The following KDM4C variants were observed in gnomAD, a reference collection of about 807,000 sequenced individuals.
The protein encoded by KDM4C is lysine demethylase 4C, also known as lysine-specific demethylase 4C.
A neutral mutation model predicts 129.3 loss-of-function variants in KDM4C; 81 were observed. That is an observed-to-expected ratio of 0.63 (90% CI 0.52 to 0.75). The LOEUF (loss-of-function observed/expected upper bound fraction) is 0.75, where lower values mean the gene tolerates loss of function less well. Ranked by LOEUF, KDM4C falls within the 30% of genes least tolerant of loss-of-function variation. The pLI is 0.00. For missense variants in KDM4C, 1,457 were observed against 1,304.0 expected (o/e 1.12, Z -1.81); for synonymous variants, 573 against 456.1 (o/e 1.26, Z -3.26).
intron 19 of KDM4C, among the ~76,000 whole-genome samples, chr9:7,154,220 TGTCA>T (rs1842954602): frequency 6.6e-6 from 1 of 152,230 alleles, no homozygotes; most frequent in Admixed American, 6.5e-5. Context: ...CGTGGCTGTC[TGTCA>T]GTCTTGTTAA....
chr9:7,043,714 C>T (rs997722215), intron 15 of KDM4C, among the ~76,000 whole-genome samples: 1 of 150,970 alleles, frequency 6.6e-6, no homozygotes, highest in Non-Finnish European at 1.5e-5. Flanking sequence ...GAGAATAGAA[C>T]AGAAACTGTG....
intron 8 of KDM4C, among the ~76,000 whole-genome samples, chr9:6,936,277 ATAC>A (rs1425168871): frequency 2.6e-5 from 4 of 152,230 alleles, no homozygotes; most frequent in Non-Finnish European, 5.9e-5. Context: ...TGTTAGAAAG[ATAC>A]TACCCCATGC....
intron 12 of KDM4C, among the ~76,000 whole-genome samples, chr9:6,994,831 C>T (rs1176719481): frequency 6.6e-6 from 1 of 152,176 alleles, no homozygotes; most frequent in Non-Finnish European, 1.5e-5. Flanking sequence ...TCAGCTCTTT[C>T]AGTTTTGTAT....
At chr9:6,772,791 C>G (rs981304007) in intron 1 of KDM4C, among the ~76,000 whole-genome samples, 1 of 149,050 alleles carries the variant, frequency 6.7e-6, no homozygotes, top group Non-Finnish European at 1.5e-5. Flanking sequence ...CCCCCGGATT[C>G]AAGCAGTTCT....
chr9:7,042,965 T>C (rs562541716), intron 15 of KDM4C, among the ~76,000 whole-genome samples: 1 of 152,090 alleles, frequency 6.6e-6, no homozygotes, highest in South Asian at 2.1e-4. Flanking sequence ...AGAGGCAGAG[T>C]TGAGTGATTA....
At chr9:6,956,038 G>T (rs532883157) in intron 8 of KDM4C, among the ~76,000 whole-genome samples, 1 of 152,148 alleles carries the variant, frequency 6.6e-6, no homozygotes, top group Admixed American at 6.5e-5. Flanking sequence ...TTATTTATGA[G>T]ATCTAAAAAT....
chr9:6,983,351 C>T (rs1255286764), intron 9 of KDM4C, among the ~76,000 whole-genome samples: 2 of 151,986 alleles, frequency 1.3e-5, no homozygotes, highest in Non-Finnish European at 2.9e-5. Context: ...GCATATATGC[C>T]AAAGCTATCA....
chr9:6,972,253 GTGTATATATATATACACACATA>G (rs1832117421), intron 8 of KDM4C, among the ~76,000 whole-genome samples: 1 of 151,722 alleles, frequency 6.6e-6, no homozygotes, highest in Non-Finnish European at 1.5e-5. Context: ...GTGTGTGTGT[GTGTATATATATATACACACATA>G]TGTATATAAA....
At chr9:6,934,078 C>G (rs151028446) in intron 8 of KDM4C, among the ~76,000 whole-genome samples, 2,493 of 151,992 alleles carry the variant, frequency 0.016, 34 homozygotes, top group Non-Finnish European at 0.025. Flanking sequence ...TTCTTGAACT[C>G]CTGATCTCAA....
chr9:6,761,971 C>T (rs958711923), intron 1 of KDM4C, among the ~76,000 whole-genome samples: 2 of 151,812 alleles, frequency 1.3e-5, no homozygotes, highest in Non-Finnish European at 2.9e-5. Flanking sequence ...TAATTTTTTT[C>T]GTATTTTTAG....
chr9:6,776,598 C>CTTTT (rs34450311), intron 1 of KDM4C, among the ~76,000 whole-genome samples: 8 of 106,188 alleles, frequency 7.5e-5, no homozygotes, highest in Admixed American at 1.0e-4. Flanking sequence ...CTCAAACCCA[C>CTTTT]TTTTTTTTTT....
intron 4 of KDM4C, among the ~76,000 whole-genome samples, chr9:6,830,140 C>G (rs115194691): frequency 6.6e-6 from 1 of 152,102 alleles, no homozygotes; most frequent in Non-Finnish European, 1.5e-5. Flanking sequence ...AGGAGAAATA[C>G]GGATACAAAT....
intron 8 of KDM4C, among the ~76,000 whole-genome samples, chr9:6,969,184 C>T (rs575511648): frequency 9.9e-5 from 15 of 152,178 alleles, no homozygotes; most frequent in Non-Finnish European, 2.2e-4. Context: ...GATCTGCCTG[C>T]GTCTGCCTCC....
intron 5 of KDM4C, among the ~76,000 whole-genome samples, chr9:6,868,419 A>G (rs563989203): frequency 3.2e-4 from 48 of 152,212 alleles, no homozygotes; most frequent in Non-Finnish European, 2.9e-4. Context: ...AAATCGGTTA[A>G]CTGGATCACC....
chr9:6,726,613 C>A (rs4742247), intron 1 of KDM4C: 1 of 152,254 alleles, frequency 6.6e-6, no homozygotes, highest in East Asian at 1.9e-4. Context: ...CCTCAACTCT[C>A]GGGCAGGTGG....
chr9:7,110,387 A>C (rs1323161159), intron 18 of KDM4C, among the ~76,000 whole-genome samples: 5 of 152,184 alleles, frequency 3.3e-5, no homozygotes, highest in Non-Finnish European at 7.3e-5. Context: ...GTTCATGTTG[A>C]TATATCCAAT....
rs1020540612 is a variant in KDM4C, at chr9:6,888,942, T to C, written c.783+879T>C. 1.4e-4 allele frequency among the ~76,000 whole-genome samples: 12 copies of C among 87,358 alleles called. 4 individuals carry two copies. The highest frequency in any genetic ancestry group is 5.2e-4 in the African/African-American group (9 of 17,278). The allele number at this position is 87,358 out of a possible 152,430, so 57.3% of individuals were successfully genotyped here. ...AGCTGGGACTACAGGCGCCCGCCAC[T>C]ACGCCCGGCTAATTTTTTTGTATTT... On this transcript the variant is annotated intron_variant, in intron 7 of 21. Transcript: ENST00000381309.
chr9:7,017,172 A>C (rs757366434), intron 15 of KDM4C, among the ~76,000 whole-genome samples: 1 of 152,150 alleles, frequency 6.6e-6, no homozygotes, highest in African/African-American at 2.4e-5. Flanking sequence ...CCTGAGCTCA[A>C]GTGATCCTCT....
intron 17 of KDM4C, among the ~76,000 whole-genome samples, chr9:7,055,375 A>T (rs1264760376): frequency 2.6e-5 from 4 of 152,232 alleles, no homozygotes; most frequent in African/African-American, 4.8e-5. Context: ...TGGGCATTCG[A>T]TGACCTCTGA....
Sources: gnomAD v4.1 joint callset for allele counts (sites outside exome capture counted in the v4.1 genomes callset) on GRCh38, gnomAD v4.1.1 for gene constraint, MANE v1.5 for transcripts, NCBI Gene and HGNC (gene_info 2026-07-23, HGNC 2026-07-21) for gene names.